Variants in EFEMP2 observed in about 807,000 individuals in gnomAD.
EFEMP2 encodes the protein EGF-like fibulin extracellular matrix protein 2, also known as EGF-containing fibulin-like extracellular matrix protein 2.
EFEMP2 carries 21 observed loss-of-function variants against 55.3 expected under a neutral mutation model. The ratio of observed to expected loss-of-function variants is 0.38; its 90% confidence interval spans 0.27 to 0.55. The LOEUF is 0.55. Ranked by LOEUF, EFEMP2 falls within the 20% of genes least tolerant of loss-of-function variation. EFEMP2 has a pLI of 0.77. For missense variants in EFEMP2, 513 were observed against 615.1 expected, an observed-to-expected ratio of 0.83 and a Z score of 1.76; for synonymous variants, 275 against 242.3, an observed-to-expected ratio of 1.14 and a Z score of -1.25.
intron 10 of EFEMP2, chr11:65,867,353 G>A (rs781372189): frequency 1.5e-5 from 8 of 544,594 alleles, no homozygotes; most frequent in Non-Finnish European, 2.6e-5. Context: ...GCCACATGTG[G>A]CTCTTGGGAC....
rs1476978523 is a variant in EFEMP2 at position 65,872,710 on chromosome 11, C to CG, written c.-36dup. The CG allele has an allele frequency of 5.1e-5, 18 of 352,960 alleles. No individual in the cohort carries two copies. The Admixed American group carries it at 5.9e-4, about 12-fold the overall frequency. 21.9% of individuals were successfully genotyped at this position (352,960 alleles called of 1,614,324 possible). On this transcript the variant is annotated 5_prime_UTR_variant, in exon 1 of 11. Transcript: ENST00000307998. Reference sequence around the variant, plus strand: ...GGGCCCGCGACACCCCCGCGGCCCGCGGCTCTGGCGGCTCGGCTGGCTCGG... The same window carrying CG: ...GGGCCCGCGACACCCCCGCGGCCCGCGGGCTCTGGCGGCTCGGCTGGCTCGG...
chr11:65,868,861 G>T (rs1464875422), intron 7 of EFEMP2: 2 of 553,080 alleles, frequency 3.6e-6, no homozygotes, highest in Non-Finnish European at 6.5e-6. Context: ...CACTAAATAA[G>T]TTACTGGGAA....
Position 65,868,371 on chromosome 11 carries a change from A to G in EFEMP2, c.898T>C (p.Cys300Arg), listed in dbSNP as rs1303704776. ...CGGTAGCCCCCATGGAAGTTGACAC[A>G]GGTTTGGGCCTCGGAGCACTGGTGC... ...GAHQCSEAQT[C>R]VNFHGGYRCV... Residue 300 changes from cysteine to arginine, a missense_variant, in exon 9 of 11, where the codon TGT becomes CGT. Cys to Arg is a radical substitution (Grantham distance 180, BLOSUM62 -3). Transcript: ENST00000307998. The G allele has an allele frequency of 6.2e-7, 1 of 1,613,882 alleles. No individual in the cohort carries two copies. The highest frequency in any genetic ancestry group is 1.1e-5 in the South Asian group (1 of 91,084).
intron 9 of EFEMP2, 112 bp downstream of exon 9, chr11:65,868,183 A>G (rs895871146): frequency 4.0e-5 from 63 of 1,569,394 alleles, no homozygotes; most frequent in South Asian, 3.4e-4. Context: ...ATGAAGGACT[A>G]TGATTCCCAT....
chr11:65,867,366 G>C (rs573770407), intron 10 of EFEMP2: 4 of 531,154 alleles, frequency 7.5e-6, no homozygotes, highest in Non-Finnish European at 1.0e-5. Flanking sequence ...CTTGGGACTG[G>C]TGGGACCTTT....
intron 9 of EFEMP2, 84 bp downstream of exon 9, chr11:65,868,211 C>T (rs1859896546): frequency 4.4e-6 from 7 of 1,594,392 alleles, no homozygotes; most frequent in African/African-American, 2.7e-5. Context: ...CAGGGGCACT[C>T]GCTGGTCTGA....
chr11:65,867,266 C>CCAGCAGGAGA, intron 10 of EFEMP2, 187 bp from the exon 11 acceptor site: 1 of 652,694 alleles, frequency 1.5e-6, no homozygotes, highest in Non-Finnish European at 2.6e-6. Flanking sequence ...GGCTCCTGCC[C>CCAGCAGGAGA]TCAGAAATCT....
chr11:65,867,861 C>T lies in EFEMP2; in HGVS notation c.1170G>A (p.Arg390=). The change falls in exon 10 of 11, where the codon AGG becomes AGA. Residue 390 remains arginine, a splice_region_variant and synonymous_variant. Coordinates refer to ENST00000307998, the MANE Select transcript of EFEMP2 (RefSeq NM_016938.5). ...AGNSQGDFYI[R]QINNVSAMLV... is the part of the protein sequence containing the mutation. ...CAGTTGAGGGTTGCAGAAACCTTAC[C>T]CTAATGTAAAAGTCCCCCTGCGAGT... 1.2e-6 allele frequency: 2 copies of T among 1,614,046 alleles called. No homozygotes were observed. The highest frequency in any genetic ancestry group is 8.5e-7 in the Non-Finnish European group (1 of 1,179,998).
chr11:65,870,725 A>G (rs903086974), intron 4 of EFEMP2, 67 bp from the exon 5 acceptor site: 46 of 1,610,186 alleles, frequency 2.9e-5, no homozygotes, highest in Non-Finnish European at 3.8e-5. Flanking sequence ...AGATAGTTCC[A>G]ACACTTGTAT....
rs754497556 is a variant in EFEMP2 at position 65,868,330 on chromosome 11, G to A, written c.939C>T (p.Asn313=). The A allele has an allele frequency of 5.0e-6, 8 of 1,613,846 alleles. No homozygotes were observed. Among genetic ancestry groups the A allele is most frequent in the Non-Finnish European group, 6.8e-6 (8 of 1,180,028 alleles). Residue 313 remains asparagine (N), a synonymous_variant, in exon 9 of 11, where the codon AAC becomes AAT. Transcript: ENST00000307998. ...CCTGGATGTAGGGCTCCACGCAGCG[G>A]TTGGTGTCCACGCAGCGGTAGCCCC... The part of the protein sequence containing the change: ...FHGGYRCVDT[N]RCVEPYIQVS...
chr11:65,869,590 C>G, intron 7 of EFEMP2: 1 of 513,838 alleles, frequency 1.9e-6, no homozygotes, highest in Non-Finnish European at 3.6e-6. Flanking sequence ...CAGGTAAATG[C>G]AGGTGAGCCT....
intron 7 of EFEMP2, 198 bp from the exon 8 acceptor site, chr11:65,868,827 C>T: frequency 3.0e-6 from 2 of 661,114 alleles, no homozygotes; most frequent in Non-Finnish European, 5.2e-6. Context: ...TCACAGACTT[C>T]TCTCTGCCCA....
chr11:65,869,776 G>A, intron 7 of EFEMP2, 81 bp downstream of exon 7: 1 of 1,598,894 alleles, frequency 6.3e-7, no homozygotes, highest in Non-Finnish European at 8.5e-7. Flanking sequence ...GCCTCAAATG[G>A]AGAACTGTGT....
intron 7 of EFEMP2, chr11:65,869,283 T>A (rs935670506): frequency 1.6e-5 from 3 of 193,242 alleles, no homozygotes; most frequent in African/African-American, 7.0e-5. Context: ...TTTGTGATTA[T>A]TTTTATGTAA....
In EFEMP2 at chr11:65,870,175, G is replaced by A. The variant is rs775164905; in HGVS notation, c.553C>T (p.Arg185Cys). ...HRCVNLPGSF[R>C]CQCEPGFQLG... ...TGGAAGCCCGGCTCGCACTGGCAGCGGAAGGAGCCAGGCAGGTTCACGCAG... is the reference window on the plus strand; with the variant it reads ...TGGAAGCCCGGCTCGCACTGGCAGCAGAAGGAGCCAGGCAGGTTCACGCAG... Residue 185 changes from arginine to cysteine, a missense_variant, in exon 6 of 11, where the codon CGC (arginine) becomes TGC (cysteine). Arg to Cys is a radical substitution (Grantham distance 180). Coordinates refer to ENST00000307998, the MANE Select transcript of EFEMP2 (RefSeq NM_016938.5). 4.3e-6 allele frequency: 7 copies of A among 1,613,824 alleles called. No homozygotes were observed. The highest frequency in any genetic ancestry group is 1.3e-5 in the African/African-American group (1 of 75,032).
chr11:65,870,266 G>A lies in EFEMP2; in HGVS notation c.491-29C>T, dbSNP rs1299365525. The A allele has an allele frequency of 3.8e-6, 6 of 1,594,360 alleles. No homozygotes were observed. The East Asian group carries it at 7.4e-5, about 20-fold the overall frequency. On this transcript the variant is annotated intron_variant, in intron 5 of 10. Transcript: ENST00000307998. ...GGGATAGAGGCAGGAGAAGGAGGGCGGAGGGCAGAGGGCAGAGGGCAGGTG... is the reference window on the plus strand; with the variant it reads ...GGGATAGAGGCAGGAGAAGGAGGGCAGAGGGCAGAGGGCAGAGGGCAGGTG...
intron 4 of EFEMP2, chr11:65,870,914 A>G (rs1859954255): frequency 2.8e-6 from 2 of 701,862 alleles, no homozygotes; most frequent in Non-Finnish European, 4.9e-6. Context: ...CCCAGGGGAC[A>G]GACACTGGAA....
intron 7 of EFEMP2, chr11:65,869,111 C>T: frequency 3.8e-6 from 1 of 262,604 alleles, no homozygotes; most frequent in Non-Finnish European, 7.5e-6. Context: ...GCAGTGAGGC[C>T]TCATCCCGCA....
chr11:65,868,261 G>C (rs1859898115), intron 9 of EFEMP2, 34 bp downstream of exon 9: 1 of 1,612,830 alleles, frequency 6.2e-7, no homozygotes, highest in African/African-American at 1.3e-5. Flanking sequence ...GGGAGACGTA[G>C]TTTCTGTGGG....
Sources: gnomAD v4.1 joint callset for allele counts on GRCh38, gnomAD v4.1.1 for gene constraint, MANE v1.5 for transcripts, NCBI Gene and HGNC (gene_info 2026-07-23, HGNC 2026-07-21) for gene names.